DNAL4: variants seen among roughly 807,000 people sequenced by gnomAD.
DNAL4 encodes the protein dynein light chain, outer arm 4.
In DNAL4, 10 loss-of-function variants were observed where a neutral mutation model predicts 12.6. The observed-to-expected ratio is 0.79, with a 90% CI of 0.49 to 1.34. DNAL4 has a LOEUF of 1.34. Among genes scored for constraint, DNAL4 ranks in the 40% most tolerant of loss-of-function variants. DNAL4 has a pLI of 0.00. For synonymous variants in DNAL4, 46 were observed against 53.1 expected (o/e 0.87, Z 0.58); for missense variants, 128 against 138.1 (o/e 0.93, Z 0.37).
At chr22:38,780,188 G>A (rs1302999781) in intron 3 of DNAL4, among the ~76,000 whole-genome samples, 1 of 152,216 alleles carries the variant, frequency 6.6e-6, no homozygotes, top group Non-Finnish European at 1.5e-5. Context: ...AGGTGCAGGC[G>A]CCTGAGGTAC....
In DNAL4 at chr22:38,782,138, C is replaced by T. The variant is rs2093035222; in HGVS notation, c.69+525G>A. On this transcript the variant is annotated intron_variant, in intron 2 of 3. Coordinates refer to ENST00000216068, the MANE Select transcript of DNAL4 (RefSeq NM_005740.3). This position sits in a 1 kb window ranked among gnomAD's most constrained non-coding sequence, Gnocchi z 5.1. ...TTATGTCCTGCCACCCTTCTCAGCA[C>T]TCCATTCCAGCCATGCTGGCCTTCT... 6.6e-6 allele frequency among the ~76,000 whole-genome samples: 1 copy of T among 152,214 alleles called. No homozygotes were observed. The highest frequency in any genetic ancestry group is 6.5e-5 in the Admixed American group (1 of 15,286).
Position 38,782,889 on chromosome 22 carries a change from AC to A in DNAL4, c.-139-20del. The A allele has an allele frequency of 1.7e-6, 1 of 599,432 alleles. No individual in the cohort carries two copies. The highest frequency in any genetic ancestry group is 2.8e-6 in the Non-Finnish European group (1 of 359,298). 37.1% of individuals were successfully genotyped at this position (599,432 alleles called of 1,614,324 possible). A position where few individuals can be genotyped will look rare whatever the true frequency, so the allele number is the denominator to read the frequency against. On this transcript the variant is annotated intron_variant, in intron 1 of 3. Coordinates refer to ENST00000216068, the MANE Select transcript of DNAL4 (RefSeq NM_005740.3). This position sits in a 1 kb window ranked among gnomAD's most constrained non-coding sequence, Gnocchi z 5.1. ...GGGGGTGCTGCAGAAAACAGGAGAA[AC>A]CAGAAAAAAAGAGCTGGCTTCAAAA...
chr22:38,786,139 A>T (rs2093041885), intron 1 of DNAL4: 2 of 152,250 alleles, frequency 1.3e-5, no homozygotes, highest in Admixed American at 6.5e-5. Context: ...ACTCTCCTCA[A>T]AGAATGTTAC....
At position 38,779,578 on chromosome 22, in the gene DNAL4, C is replaced by G. The variant is rs752638859; in HGVS notation, c.189G>C (p.Lys63Asn). Residue 63 changes from lysine (K) to asparagine (N), a missense_variant, in exon 4 of 4, where the codon AAG (lysine) becomes AAC (asparagine). By Grantham distance (94) the Lys-to-Asn change is moderately conservative. Transcript: ENST00000216068. This position sits in a 1 kb window ranked among gnomAD's most constrained non-coding sequence, Gnocchi z 4.3. ...AAKMIKETMD[K>N]KFGSSWHVVI... ...CCACGTGCCAGGAGGAGCCGAACTTCTTGTCCATTGTCTCTTTGATCATCT... is the reference window on the plus strand; with the variant it reads ...CCACGTGCCAGGAGGAGCCGAACTTGTTGTCCATTGTCTCTTTGATCATCT... The G allele has an allele frequency of 1.3e-6, 2 of 1,598,186 alleles. No individual in the cohort carries two copies. The highest frequency in any genetic ancestry group is 2.7e-5 in the African/African-American group (2 of 74,590).
At chr22:38,790,324 A>T (rs561134128) in intron 1 of DNAL4, among the ~76,000 whole-genome samples, 1 of 152,302 alleles carries the variant, frequency 6.6e-6, no homozygotes, top group South Asian at 2.1e-4. Context: ...AAATACTTGA[A>T]GGAGAGTGGT....
intron 1 of DNAL4, among the ~76,000 whole-genome samples, chr22:38,788,028 C>T (rs1462711721): frequency 1.3e-5 from 2 of 152,190 alleles, no homozygotes; most frequent in Non-Finnish European, 2.9e-5. Flanking sequence ...CAGATGACTT[C>T]GATACTCAGC....
At position 38,782,059 on chromosome 22, in the gene DNAL4, C is replaced by T. The variant is rs1886233720; in HGVS notation, c.69+604G>A. 6.6e-6 allele frequency among the ~76,000 whole-genome samples: 1 copy of T among 152,236 alleles called. No homozygotes were observed. Among genetic ancestry groups the T allele is most frequent in the African/African-American group, 2.4e-5 (1 of 41,464 alleles). ...TCAGGACAGAACCCACAGTTCTCAC[C>T]ACATTCTTCACTGTGGCTGGCCAGG... On this transcript the variant is annotated intron_variant, in intron 2 of 3. Coordinates refer to ENST00000216068, the MANE Select transcript of DNAL4 (RefSeq NM_005740.3). This position sits in a 1 kb window ranked among gnomAD's most constrained non-coding sequence, Gnocchi z 5.1.
rs1414494227 is a variant in DNAL4, at chr22:38,789,499, C to T, written c.-140+4569G>A. ...CCATGTTGCCCAGGCTGGTCTCAAA[C>T]ACCTGAGCTCAAGCAATTTGCCCAC... On this transcript the variant is annotated intron_variant, in intron 1 of 3. Coordinates refer to ENST00000216068, the MANE Select transcript of DNAL4 (RefSeq NM_005740.3). Among the ~76,000 whole-genome samples the T allele has an allele frequency of 2.7e-4, 41 of 152,196 alleles. 1 individual carries two copies. The highest frequency in any genetic ancestry group is 2.7e-3 in the Admixed American group (41 of 15,284).
Position 38,779,645 on chromosome 22 carries a change from G to A in DNAL4, c.154-32C>T, listed in dbSNP as rs1174202284. 5.1e-6 allele frequency: 8 copies of A among 1,577,874 alleles called. No homozygotes were observed. Among genetic ancestry groups the A allele is most frequent in the Middle Eastern group, 1.7e-4 (1 of 6,000 alleles). ...GGAAGAGGGCACTTATCAAGGGGGC[G>A]CAGGGCAGGTGGGGGCAGGAGTCAG... is the stretch of plus-strand genomic sequence containing the variant. On this transcript the variant is annotated intron_variant, in intron 3 of 3. Transcript: ENST00000216068. This position sits in a 1 kb window ranked among gnomAD's most constrained non-coding sequence, Gnocchi z 4.3.
chr22:38,789,395 A>G (rs1211677487), intron 1 of DNAL4, among the ~76,000 whole-genome samples: 2 of 149,866 alleles, frequency 1.3e-5, no homozygotes, highest in Non-Finnish European at 3.0e-5. Context: ...TCATGCTACC[A>G]CACTCAGTGG....
rs577145261 is a variant in DNAL4 at position 38,786,366 on chromosome 22, C to A, written c.-139-3496G>T. ...TTGAGGTCAGAAGTTCGAGACCAGC[C>A]TGGCCAACAGGGTAAAACCCTGTCT... is the stretch of plus-strand genomic sequence containing the variant. On this transcript the variant is annotated intron_variant, in intron 1 of 3. Transcript: ENST00000216068. 2.6e-5 allele frequency among the ~76,000 whole-genome samples: 4 copies of A among 152,286 alleles called. No individual in the cohort carries two copies. The East Asian group carries it at 5.8e-4, about 22-fold the overall frequency.
chr22:38,793,969 T>A (rs2093054852), intron 1 of DNAL4, 99 bp downstream of exon 1: 3 of 152,194 alleles, frequency 2.0e-5, no homozygotes, highest in African/African-American at 7.2e-5. Flanking sequence ...AGGTGGGGCC[T>A]CGGCGGCGGG....
intron 3 of DNAL4, among the ~76,000 whole-genome samples, chr22:38,780,415 A>G (rs2146162843): frequency 6.6e-6 from 1 of 152,310 alleles, no homozygotes; most frequent in South Asian, 2.1e-4. Flanking sequence ...GGCCGACCCA[A>G]AGCCTGGGCT....
intron 1 of DNAL4, among the ~76,000 whole-genome samples, chr22:38,783,546 A>AG (rs2093037727): frequency 4.6e-5 from 7 of 152,212 alleles, no homozygotes; most frequent in Admixed American, 4.6e-4. Flanking sequence ...CCTGATCTTC[A>AG]GGGGAATGGG....
rs371736472 is a variant in DNAL4 at position 38,780,160 on chromosome 22, G to C, written c.154-547C>G. 3.9e-4 allele frequency among the ~76,000 whole-genome samples: 59 copies of C among 152,272 alleles called. No homozygotes were observed. The East Asian group carries it at 5.8e-3, about 15-fold the overall frequency. Reference sequence around the variant, plus strand: ...GAGGTCTAGAGGGGCAGGGACCCCCGCTCGGCAGGGCGAGTCCAGGTGCAG... The same window carrying C: ...GAGGTCTAGAGGGGCAGGGACCCCCCCTCGGCAGGGCGAGTCCAGGTGCAG... On this transcript the variant is annotated intron_variant, in intron 3 of 3. Transcript: ENST00000216068.
rs930657162 is a variant in DNAL4, at chr22:38,782,451, T to C, written c.69+212A>G. ...ACCATCCCCACAGTGCCTAGAACAG[T>C]GCCCGGCATAGAGTAGGTGGCCCAA... is the stretch of plus-strand genomic sequence containing the variant. On this transcript the variant is annotated intron_variant, in intron 2 of 3. Transcript: ENST00000216068. The surrounding 1 kb of genome is among the most constrained non-coding windows in gnomAD (Gnocchi z 5.1). Among the ~76,000 whole-genome samples the C allele has an allele frequency of 3.3e-5, 5 of 152,232 alleles. No individual in the cohort carries two copies. The highest frequency in any genetic ancestry group is 2.6e-4 in the Admixed American group (4 of 15,288).
chr22:38,780,854 G>C, intron 3 of DNAL4, 72 bp downstream of exon 3: 1 of 1,505,176 alleles, frequency 6.6e-7, no homozygotes, highest in Non-Finnish European at 9.2e-7. Context: ...CAACTGCAGG[G>C]AACAGGGGCC....
intron 1 of DNAL4, chr22:38,785,440 A>T (rs2093040873): frequency 6.6e-6 from 1 of 152,248 alleles, no homozygotes; most frequent in South Asian, 2.1e-4. Flanking sequence ...AAGTGCTGGC[A>T]TGTAGGAGCC....
chr22:38,779,239 C>T lies in DNAL4; in HGVS notation c.*210G>A, dbSNP rs147844814. 1.7e-4 allele frequency: 108 copies of T among 619,682 alleles called. No homozygotes were observed. In the African/African-American group the frequency reaches 1.8e-3, roughly 10 times the overall value. The allele number at this position is 619,682 out of a possible 1,614,324, so 38.4% of individuals were successfully genotyped here. On this transcript the variant is annotated 3_prime_UTR_variant, in exon 4 of 4. Coordinates refer to ENST00000216068, the MANE Select transcript of DNAL4 (RefSeq NM_005740.3). The surrounding 1 kb of genome is among the most constrained non-coding windows in gnomAD (Gnocchi z 4.3). ...AGACCCATGCCCGCTGCCCCGTCCA[C>T]ACCCTGAGACTCCGAGGGAGACGGT...
Sources: gnomAD v4.1 joint callset for allele counts (sites outside exome capture counted in the v4.1 genomes callset) on GRCh38, gnomAD v4.1.1 for gene constraint, Gnocchi (gnomAD v3.1) non-coding constraint, MANE v1.5 for transcripts, NCBI Gene and HGNC (gene_info 2026-07-23, HGNC 2026-07-21) for gene names.